The following VWC2 variants were observed in gnomAD, a reference collection of about 807,000 sequenced individuals.
The protein encoded by VWC2 is von Willebrand factor C domain containing 2, also known as brorin.
A neutral mutation model predicts 29.8 loss-of-function variants in VWC2; 14 were observed. The ratio of observed to expected loss-of-function variants is 0.47; its 90% CI spans 0.31 to 0.74. The LOEUF (loss-of-function observed/expected upper bound fraction) is 0.74. VWC2 is among the 30% of genes least tolerant of loss of function. The pLI, the probability that VWC2 is intolerant of heterozygous loss-of-function variation, is 0.05. For synonymous variants in VWC2, 213 were observed against 199.0 expected (o/e 1.07, Z -0.59); for missense variants, 457 against 459.8 (o/e 0.99, Z 0.05).
chr7:49,798,418 C>T (rs1456448328), intron 2 of VWC2, among the ~76,000 whole-genome samples: 7 of 152,248 alleles, frequency 4.6e-5, no homozygotes, highest in Non-Finnish European at 1.0e-4. Context: ...ATTAAAGCCT[C>T]ATGTCAAAGC....
intron 2 of VWC2, among the ~76,000 whole-genome samples, chr7:49,778,574 C>T (rs1788101349): frequency 3.3e-5 from 5 of 152,196 alleles, no homozygotes. Flanking sequence ...TGGCCTTGTG[C>T]AAGCCATTTA....
chr7:49,808,037 G>A (rs1456842504), intron 3 of VWC2, among the ~76,000 whole-genome samples: 1 of 151,976 alleles, frequency 6.6e-6, no homozygotes, highest in East Asian at 1.9e-4. Flanking sequence ...GTAGTGGGCT[G>A]CCTTCATTAT....
At chr7:49,778,815 A>G (rs1030710839) in intron 2 of VWC2, among the ~76,000 whole-genome samples, 1 of 152,270 alleles carries the variant, frequency 6.6e-6, no homozygotes, top group Admixed American at 6.5e-5. Flanking sequence ...TGTAATGTGC[A>G]TAGCACAAAG....
At chr7:49,857,264 T>C (rs1790465101) in intron 3 of VWC2, among the ~76,000 whole-genome samples, 1 of 152,204 alleles carries the variant, frequency 6.6e-6, no homozygotes, top group Non-Finnish European at 1.5e-5. Flanking sequence ...AGCGACTTTA[T>C]ATAAATGGAA....
chr7:49,789,134 TG>T (rs1205019884), intron 2 of VWC2, among the ~76,000 whole-genome samples: 4 of 140,034 alleles, frequency 2.9e-5, no homozygotes, highest in Admixed American at 7.2e-5. Context: ...TGTGTGTGAA[TG>T]GATGTATGAG....
chr7:49,853,445 G>T (rs966917582), intron 3 of VWC2, among the ~76,000 whole-genome samples: 19 of 152,290 alleles, frequency 1.2e-4, no homozygotes, highest in Non-Finnish European at 2.6e-4. Context: ...GGGCATCGGG[G>T]CATATTAGGG....
chr7:49,919,961 C>A lies in VWC2; in HGVS notation c.*7776C>A, dbSNP rs2128746582. ...ACCTTAAAATATTTGTTACAAATAA[C>A]ACTGAAGTGAGATTCAAAATTGTGC... On this transcript the variant is annotated 3_prime_UTR_variant, in exon 4 of 4. Transcript: ENST00000340652. 6.6e-6 allele frequency: 1 copy of A among 152,218 alleles called. No homozygotes were observed. The highest frequency in any genetic ancestry group is 6.5e-5 in the Admixed American group (1 of 15,284). The allele number at this position is 152,218 out of a possible 1,614,324, so 9.4% of individuals were successfully genotyped here. A position where few individuals can be genotyped will look rare whatever the true frequency, so the allele number is the denominator to read the frequency against.
intron 3 of VWC2, among the ~76,000 whole-genome samples, chr7:49,855,809 C>T (rs190740220): frequency 3.3e-5 from 5 of 152,272 alleles, no homozygotes; most frequent in South Asian, 2.1e-4. Context: ...AGCCAGGGGC[C>T]GGTGGCTGAC....
intron 3 of VWC2, among the ~76,000 whole-genome samples, chr7:49,809,929 C>T (rs954749857): frequency 6.6e-6 from 1 of 151,966 alleles, no homozygotes; most frequent in African/African-American, 2.4e-5. Context: ...TGAATACTCT[C>T]TCAATACTCC....
rs972404293 is a variant in VWC2, at chr7:49,915,828, T to C, written c.*3643T>C. The C allele has an allele frequency of 2.0e-5, 3 of 152,182 alleles. No homozygotes were observed. The highest frequency in any genetic ancestry group is 4.4e-5 in the Non-Finnish European group (3 of 68,028). 9.4% of individuals were successfully genotyped at this position (152,182 alleles called of 1,614,324 possible). ...CAACATAATGTTATTATGAAGAGTA[T>C]CAGATGTACAAATAAGCATCATTGG... On this transcript the variant is annotated 3_prime_UTR_variant, in exon 4 of 4. Coordinates refer to ENST00000340652, the MANE Select transcript of VWC2 (RefSeq NM_198570.5).
chr7:49,855,901 G>A (rs772214720), intron 3 of VWC2, among the ~76,000 whole-genome samples: 25 of 152,188 alleles, frequency 1.6e-4, no homozygotes, highest in Middle Eastern at 3.2e-3. Flanking sequence ...AAGTGGGGAA[G>A]AGAAGGAAGA....
In VWC2 at chr7:49,834,281, T is replaced by A. The variant is rs138175181; in HGVS notation, c.826+31441T>A. Among the ~76,000 whole-genome samples the A allele has an allele frequency of 3.6e-3, 550 of 152,354 alleles. 4 individuals carry two copies. Among genetic ancestry groups the A allele is most frequent in the African/African-American group, 0.012 (482 of 41,582 alleles). ...AGTTCATTGGCATGTTCTCTTGTCC[T>A]CTATTCATTATCCCCAGTGGCTAAT... On this transcript the variant is annotated intron_variant, in intron 3 of 3. Coordinates refer to ENST00000340652, the MANE Select transcript of VWC2 (RefSeq NM_198570.5).
intron 2 of VWC2, among the ~76,000 whole-genome samples, chr7:49,779,275 G>A (rs1282521597): frequency 6.6e-6 from 1 of 152,036 alleles, no homozygotes; most frequent in African/African-American, 2.4e-5. Context: ...TTCTAAACTT[G>A]TTTTTTCCCT....
intron 3 of VWC2, among the ~76,000 whole-genome samples, chr7:49,908,018 T>C (rs193218202): frequency 6.6e-6 from 1 of 152,214 alleles, no homozygotes; most frequent in East Asian, 1.9e-4. Context: ...ATGCAGATTT[T>C]CCCCACAAAA....
At chr7:49,874,926 T>C (rs1791332983) in intron 3 of VWC2, among the ~76,000 whole-genome samples, 1 of 152,218 alleles carries the variant, frequency 6.6e-6, no homozygotes, top group Non-Finnish European at 1.5e-5. Flanking sequence ...CTTGGAATTG[T>C]AATTACCCAC....
intron 3 of VWC2, among the ~76,000 whole-genome samples, chr7:49,823,555 AG>A (rs1789315807): frequency 6.6e-6 from 1 of 152,186 alleles, no homozygotes; most frequent in Non-Finnish European, 1.5e-5. Flanking sequence ...CCAAATAAGA[AG>A]GTCCATTCCT....
At position 49,775,979 on chromosome 7, in the gene VWC2, G is replaced by T; in HGVS notation, c.544G>T (p.Glu182Ter). 6.5e-7 allele frequency: 1 copy of T among 1,547,782 alleles called. No homozygotes were observed. Among genetic ancestry groups the T allele is most frequent in the East Asian group, 2.4e-5 (1 of 41,280 alleles). ...CTCGGCCTGCCCGTGCCTGTGCACC[G>T]AGGAGGGGCCGCTGTGCGCGCAGCC... ...GPSACPCLCT[E>*]EGPLCAQPEC... Residue 182 changes from glutamate (E) to a stop codon, truncating the protein, a stop_gained, in exon 2 of 4, where the codon GAG becomes TAG. Transcript: ENST00000340652. LOFTEE classifies it high-confidence loss of function.
chr7:49,912,804 T>G lies in VWC2; in HGVS notation c.*619T>G, dbSNP rs562210330. On this transcript the variant is annotated 3_prime_UTR_variant, in exon 4 of 4. Transcript: ENST00000340652. ...CTCAGTCACTTGTGAAATGCAGGTG[T>G]AAAGATCACTAACTCACACTTTCTC... 4 of 152,476 alleles carry G rather than the reference T, an allele frequency of 2.6e-5. No homozygotes were observed. In the East Asian group the frequency reaches 7.7e-4, roughly 29 times the overall value. 9.4% of individuals were successfully genotyped at this position (152,476 alleles called of 1,614,324 possible).
chr7:49,892,017 AACAG>A (rs1383516736), intron 3 of VWC2, among the ~76,000 whole-genome samples: 3 of 151,274 alleles, frequency 2.0e-5, no homozygotes, highest in East Asian at 1.9e-4. Context: ...CAGTTGGCAG[AACAG>A]ACAAAGTAGA....
Sources: gnomAD v4.1 joint callset for allele counts (sites outside exome capture counted in the v4.1 genomes callset) on GRCh38, gnomAD v4.1.1 for gene constraint, MANE v1.5 for transcripts, NCBI Gene and HGNC (gene_info 2026-07-23, HGNC 2026-07-21) for gene names.